Variants in ILF2 observed in about 807,000 individuals in gnomAD.
The protein encoded by ILF2 is interleukin enhancer binding factor 2.
Under a neutral mutation model 55.3 loss-of-function variants are expected in ILF2, and 9 were observed. The ratio of observed to expected loss-of-function variants is 0.16; its 90% CI spans 0.10 to 0.28. The LOEUF is 0.28. ILF2 is among the 10% of genes least tolerant of loss of function. ILF2 has a pLI of 1.00. For missense variants in ILF2, 266 were observed against 474.9 expected (o/e 0.56, Z 4.09); for synonymous variants, 151 against 161.8 (o/e 0.93, Z 0.50).
chr1:153,670,648 G>A (rs1669419580), intron 1 of ILF2, among the ~76,000 whole-genome samples: 1 of 152,216 alleles, frequency 6.6e-6, no homozygotes, highest in Non-Finnish European at 1.5e-5. Flanking sequence ...AGCTCCTCCA[G>A]GGGCTTGAGG....
At chr1:153,669,596 A>G (rs1571337736) in intron 3 of ILF2, among the ~76,000 whole-genome samples, 1 of 152,042 alleles carries the variant, frequency 6.6e-6, no homozygotes, top group South Asian at 2.1e-4. Context: ...GATTAGACAC[A>G]TGCCCAGCCA....
In ILF2 at chr1:153,663,986, CTACTACTACTAG is replaced by C. The variant is rs745318295; in HGVS notation, c.744+45_744+56del. ...ACTACTACTACTACTACTACTACTACTACTACTACTAGTAAATAAGGATGATGAGGAACTCCA... is the reference window on the plus strand; with the variant it reads ...ACTACTACTACTACTACTACTACTACTAAATAAGGATGATGAGGAACTCCA... On this transcript the variant is annotated intron_variant, in intron 10 of 13. Coordinates refer to ENST00000361891, the MANE Select transcript of ILF2 (RefSeq NM_004515.4). 7,986 of 882,798 alleles carry C rather than the reference CTACTACTACTAG, an allele frequency of 9.0e-3. 58 individuals are homozygous for C. Among genetic ancestry groups the C allele is most frequent in the Non-Finnish European group, 0.012 (6,690 of 535,984 alleles). The allele number at this position is 882,798 out of a possible 1,614,324, so 54.7% of individuals were successfully genotyped here.
At chr1:153,669,957 A>G in intron 2 of ILF2, 79 bp from the exon 3 acceptor site, 1 of 1,266,640 alleles carries the variant, frequency 7.9e-7, no homozygotes. Flanking sequence ...CAATTTTGAA[A>G]ACATGTCAGT....
rs929626740 is a variant in ILF2, at chr1:153,662,077, A to G, written c.*319T>C. 4.3e-5 allele frequency: 9 copies of G among 208,026 alleles called. No individual in the cohort carries two copies. Among genetic ancestry groups the G allele is most frequent in the Middle Eastern group, 1.9e-3 (1 of 540 alleles). 12.9% of individuals were successfully genotyped at this position (208,026 alleles called of 1,614,324 possible). ...TTAATAGTTTTTCTTAGAAAAAAAA[A>G]TTTCCAGACACTTAACATTTCACAA... On this transcript the variant is annotated 3_prime_UTR_variant, in exon 14 of 14. Transcript: ENST00000361891.
At chr1:153,670,328 T>C (rs1669411312) in intron 1 of ILF2, 98 bp from the exon 2 acceptor site, 6 of 1,173,346 alleles carry the variant, frequency 5.1e-6, no homozygotes, top group Non-Finnish European at 7.6e-6. Flanking sequence ...CTCCCAACGG[T>C]AGGCAAGAGA....
intron 13 of ILF2, 33 bp downstream of exon 13, chr1:153,662,672 A>G (rs761125599): frequency 3.7e-6 from 6 of 1,602,188 alleles, no homozygotes; most frequent in Non-Finnish European, 5.1e-6. Context: ...CCAGATTACA[A>G]TACAAAACCC....
At position 153,662,084 on chromosome 1, in the gene ILF2, G is replaced by T; in HGVS notation, c.*312C>A. 4.6e-6 allele frequency: 1 copy of T among 216,760 alleles called. No individual in the cohort carries two copies. Among genetic ancestry groups the T allele is most frequent in the Non-Finnish European group, 9.1e-6 (1 of 109,540 alleles). The allele number at this position is 216,760 out of a possible 1,614,324, so 13.4% of individuals were successfully genotyped here. On this transcript the variant is annotated 3_prime_UTR_variant, in exon 14 of 14. Transcript: ENST00000361891. The stretch of plus-strand genomic sequence containing the variant: ...TTTTTCTTAGAAAAAAAAATTTCCA[G>T]ACACTTAACATTTCACAACATTTCA...
Position 153,667,959 on chromosome 1 carries a change from C to T in ILF2, c.291+41G>A, listed in dbSNP as rs147795235. On this transcript the variant is annotated intron_variant, in intron 5 of 13. Transcript: ENST00000361891. ...AGAGCCAAGGCAATTTCCACACTAC[C>T]AAAGCTGCCCTTTCCTAAAACTAAA... The T allele has an allele frequency of 9.7e-4, 1,389 of 1,427,564 alleles. 14 individuals carry two copies. In the African/African-American group the frequency reaches 0.017, roughly 18 times the overall value. The allele number at this position is 1,427,564 out of a possible 1,614,324, so 88.4% of individuals were successfully genotyped here. A position where few individuals can be genotyped will look rare whatever the true frequency, so the allele number is the denominator to read the frequency against.
At chr1:153,668,897 C>CA (rs59532068) in intron 3 of ILF2, among the ~76,000 whole-genome samples, 12 of 144,910 alleles carry the variant, frequency 8.3e-5, no homozygotes, top group Non-Finnish European at 9.1e-5. Context: ...GACCCTGCCT[C>CA]AAAAAAAAAA....
intron 3 of ILF2, among the ~76,000 whole-genome samples, chr1:153,669,603 G>A (rs1156969989): frequency 6.6e-6 from 1 of 151,980 alleles, no homozygotes; most frequent in East Asian, 1.9e-4. Flanking sequence ...CACATGCCCA[G>A]CCAACTTTTT....
intron 10 of ILF2, among the ~76,000 whole-genome samples, chr1:153,663,563 C>T (rs562578452): frequency 6.6e-6 from 1 of 151,970 alleles, no homozygotes; most frequent in East Asian, 1.9e-4. Flanking sequence ...AAACTCCTGG[C>T]TTCAAGTGAT....
intron 9 of ILF2, 99 bp from the exon 10 acceptor site, chr1:153,664,229 C>T (rs1669249821): frequency 2.1e-6 from 2 of 966,062 alleles, no homozygotes; most frequent in Admixed American, 2.2e-5. Context: ...CAGAACTATA[C>T]ATTCTCTGCT....
chr1:153,668,351 C>A, intron 4 of ILF2, 102 bp downstream of exon 4: 1 of 1,400,080 alleles, frequency 7.1e-7, no homozygotes, highest in Non-Finnish European at 9.9e-7. Context: ...TTGTGGATTT[C>A]AGGCTCTGTT....
In ILF2 at chr1:153,669,817, A is replaced by G. The variant is rs1020131745; in HGVS notation, c.108+19T>C. 1 of 1,597,108 alleles carries G rather than the reference A, an allele frequency of 6.3e-7. No homozygotes were observed. Among genetic ancestry groups the G allele is most frequent in the East Asian group, 2.2e-5 (1 of 44,824 alleles). ...CAACAGTGACCAGAAAATGTGTATCATTAACCCAAGGTACTCACCAAATAG... is the reference window on the plus strand; with the variant it reads ...CAACAGTGACCAGAAAATGTGTATCGTTAACCCAAGGTACTCACCAAATAG... On this transcript the variant is annotated intron_variant, in intron 3 of 13. Transcript: ENST00000361891.
At chr1:153,665,554 T>A in intron 7 of ILF2, 109 bp downstream of exon 7, 1 of 1,012,532 alleles carries the variant, frequency 9.9e-7, no homozygotes, top group East Asian at 2.4e-5. Flanking sequence ...CATAAAACTC[T>A]GCATTTACTC....
rs1669220816 is a variant in ILF2 at position 153,663,282 on chromosome 1, AAAT to A, written c.745-9_745-7del. On this transcript the variant is annotated splice_polypyrimidine_tract_variant and splice_region_variant and intron_variant, in intron 10 of 13. Transcript: ENST00000361891. ...TTCATCACAGCATAATGGCCCTGAA[AAAT>A]AATAAATCCAGTAGGTGTGCCATCA... is the stretch of plus-strand genomic sequence containing the variant. The A allele has an allele frequency of 6.2e-7, 1 of 1,613,852 alleles. No homozygotes were observed. The highest frequency in any genetic ancestry group is 1.3e-5 in the African/African-American group (1 of 74,910).
chr1:153,662,828 A>G, intron 12 of ILF2, 33 bp from the exon 13 acceptor site: 1 of 1,563,540 alleles, frequency 6.4e-7, no homozygotes. Context: ...TAAGCAAGGA[A>G]AATCAAAGGA....
At position 153,665,209 on chromosome 1, in the gene ILF2, A is replaced by G. The variant is rs1237274173; in HGVS notation, c.577+11T>C. 1 of 1,496,522 alleles carries G rather than the reference A, an allele frequency of 6.7e-7. No homozygotes were observed. Among genetic ancestry groups the G allele is most frequent in the South Asian group, 1.1e-5 (1 of 87,728 alleles). 92.7% of individuals were successfully genotyped at this position (1,496,522 alleles called of 1,614,324 possible). A position where few individuals can be genotyped will look rare whatever the true frequency, so the allele number is the denominator to read the frequency against. ...CCTAAATTTTCCAGCAATGGAAAAA[A>G]AAGAACTAACAATGGAGTTCTGGAT... is the stretch of plus-strand genomic sequence containing the variant. On this transcript the variant is annotated intron_variant, in intron 8 of 13. Coordinates refer to ENST00000361891, the MANE Select transcript of ILF2 (RefSeq NM_004515.4).
rs533799443 is a variant in ILF2 at position 153,663,006 on chromosome 1, T to A, written c.921+13A>T. ...GTGGGGCAAAACAACTCAGTTCATA[T>A]CTGTCCCAATACCTGCTGTTCTAGG... On this transcript the variant is annotated intron_variant, in intron 12 of 13. Coordinates refer to ENST00000361891, the MANE Select transcript of ILF2 (RefSeq NM_004515.4). 225 of 1,600,542 alleles carry A rather than the reference T, an allele frequency of 1.4e-4. 2 individuals carry two copies. In the South Asian group the frequency reaches 2.3e-3, roughly 17 times the overall value.
Sources: gnomAD v4.1 joint callset for allele counts (sites outside exome capture counted in the v4.1 genomes callset) on GRCh38, gnomAD v4.1.1 for gene constraint, MANE v1.5 for transcripts, NCBI Gene and HGNC (gene_info 2026-07-23, HGNC 2026-07-21) for gene names.